The following NEO1 variants were observed in gnomAD, a reference collection of about 807,000 sequenced individuals.
The protein encoded by NEO1 is neogenin 1.
In NEO1, 63 loss-of-function variants were observed where a neutral mutation model predicts 159.7. The observed-to-expected ratio is 0.39, with a 90% confidence interval of 0.32 to 0.49. NEO1 has a LOEUF of 0.49. Among genes scored for constraint, NEO1 ranks in the 20% least tolerant of loss-of-function variants. The pLI is 0.85. For synonymous variants in NEO1, 633 were observed against 662.0 expected (o/e 0.96, Z 0.67); for missense variants, 1,615 against 1,831.0 (o/e 0.88, Z 2.15).
intron 3 of NEO1, among the ~76,000 whole-genome samples, 161 bp downstream of exon 3, chr15:73,122,961 AGCCTG>A (rs934592521): frequency 6.6e-6 from 1 of 152,150 alleles, no homozygotes; most frequent in African/African-American, 2.4e-5. Context: ...CCTGAGTTCC[AGCCTG>A]GCCAACATGG....
At chr15:73,122,063 GTA>G (rs200219694) in intron 2 of NEO1, among the ~76,000 whole-genome samples, 4,210 of 126,008 alleles carry the variant, frequency 0.033, 75 homozygotes, top group East Asian at 0.043. Context: ...GTGTGTGTGT[GTA>G]TATATATATA....
chr15:73,272,591 T>C, intron 19 of NEO1, 29 bp downstream of exon 19: 15 of 1,442,888 alleles, frequency 1.0e-5, no homozygotes, highest in East Asian at 2.3e-5. Context: ...TGCATTTCTT[T>C]GTGCGCTCTT....
chr15:73,098,229 A>G (rs2070193928), intron 1 of NEO1, among the ~76,000 whole-genome samples: 1 of 152,116 alleles, frequency 6.6e-6, no homozygotes, highest in South Asian at 2.1e-4. Context: ...GGGTTCTTAA[A>G]TTCTCTCGAA....
chr15:73,136,381 AGTG>A (rs763447349), intron 5 of NEO1, among the ~76,000 whole-genome samples: 3 of 151,790 alleles, frequency 2.0e-5, no homozygotes, highest in Admixed American at 6.6e-5. Context: ...TACTATTTGT[AGTG>A]GTGGTGGTGG....
chr15:73,053,667 G>C (rs978200859), intron 1 of NEO1, among the ~76,000 whole-genome samples: 1 of 152,154 alleles, frequency 6.6e-6, no homozygotes, highest in Admixed American at 6.5e-5. Context: ...GGGGACCAAC[G>C]AACAAAAATG....
At position 73,297,683 on chromosome 15, in the gene NEO1, T is replaced by C. The variant is rs1403819675; in HGVS notation, c.3902-665T>C. Among the ~76,000 whole-genome samples, 3 of 152,240 alleles carry C rather than the reference T, an allele frequency of 2.0e-5. No individual in the cohort carries two copies. The East Asian group carries it at 5.8e-4, about 29-fold the overall frequency. The stretch of plus-strand genomic sequence containing the variant: ...ATATTTTGAGATTGTTATCATGTTC[T>C]TCCTGAGCCTTCCCTTCTCCAGGCT... On this transcript the variant is annotated intron_variant, in intron 26 of 28. Transcript: ENST00000261908.
At chr15:73,227,055 A>G (rs1026385367) in intron 7 of NEO1, among the ~76,000 whole-genome samples, 1 of 152,228 alleles carries the variant, frequency 6.6e-6, no homozygotes, top group Admixed American at 6.5e-5. Context: ...TATTGGTTAA[A>G]CTAATAATTA....
In NEO1 at chr15:73,238,553, T is replaced by C. The variant is rs138309869; in HGVS notation, c.1451+2047T>C. ...TCTCTGTCTTAAATTATAGATGGATTAAGAGATAAATATTTTTAAAATCTA... is the reference window on the plus strand; with the variant it reads ...TCTCTGTCTTAAATTATAGATGGATCAAGAGATAAATATTTTTAAAATCTA... On this transcript the variant is annotated intron_variant, in intron 8 of 28. Coordinates refer to ENST00000261908, the MANE Select transcript of NEO1 (RefSeq NM_002499.4). 2.4e-3 allele frequency among the ~76,000 whole-genome samples: 369 copies of C among 151,642 alleles called. 4 individuals are homozygous for C. Among genetic ancestry groups the C allele is most frequent in the African/African-American group, 8.5e-3 (352 of 41,428 alleles).
At chr15:73,177,232 T>G (rs2035331250) in intron 6 of NEO1, among the ~76,000 whole-genome samples, 1 of 152,114 alleles carries the variant, frequency 6.6e-6, no homozygotes, top group African/African-American at 2.4e-5. Flanking sequence ...ATCTAACATT[T>G]TAGTAATAGA....
intron 7 of NEO1, among the ~76,000 whole-genome samples, chr15:73,234,569 C>T (rs1472269634): frequency 6.6e-6 from 1 of 152,226 alleles, no homozygotes; most frequent in East Asian, 1.9e-4. Context: ...GGCAGTGCAT[C>T]TGTTGATGTG....
At chr15:73,208,438 C>A (rs1426493260) in intron 7 of NEO1, among the ~76,000 whole-genome samples, 1 of 152,220 alleles carries the variant, frequency 6.6e-6, no homozygotes, top group Non-Finnish European at 1.5e-5. Flanking sequence ...TTCTTTCTCA[C>A]AAGACATCCC....
intron 1 of NEO1, among the ~76,000 whole-genome samples, chr15:73,080,283 G>C (rs1349817859): frequency 6.6e-6 from 1 of 152,184 alleles, no homozygotes; most frequent in Admixed American, 6.5e-5. Context: ...TCTCTAGCCA[G>C]TGCCTTTCTT....
intron 1 of NEO1, among the ~76,000 whole-genome samples, chr15:73,085,317 C>A (rs1158815934): frequency 6.6e-6 from 1 of 152,144 alleles, no homozygotes; most frequent in African/African-American, 2.4e-5. Context: ...TGTTCCTTTT[C>A]ATCACTGAGT....
At chr15:73,177,110 A>G (rs1484466432) in intron 6 of NEO1, among the ~76,000 whole-genome samples, 1 of 152,176 alleles carries the variant, frequency 6.6e-6, no homozygotes, top group Non-Finnish European at 1.5e-5. Flanking sequence ...CTTTTTTAAA[A>G]ATGCATTTAA....
rs146165262 is a variant in NEO1 at position 73,251,126 on chromosome 15, A to C, written c.1894+1405A>C. ...GTAAGATAAATAAAACAGTTGTTGCAGAATATTAGTAATTGTGAATTTGAA... is the reference window on the plus strand; with the variant it reads ...GTAAGATAAATAAAACAGTTGTTGCCGAATATTAGTAATTGTGAATTTGAA... On this transcript the variant is annotated intron_variant, in intron 11 of 28. Coordinates refer to ENST00000261908, the MANE Select transcript of NEO1 (RefSeq NM_002499.4). 8.3e-4 allele frequency among the ~76,000 whole-genome samples: 126 copies of C among 152,340 alleles called. 1 individual carries two copies. Among genetic ancestry groups the C allele is most frequent in the African/African-American group, 2.8e-3 (118 of 41,578 alleles).
chr15:73,274,796 CTTT>C (rs201909530), intron 21 of NEO1, 72 bp downstream of exon 21: 4,679 of 1,059,572 alleles, frequency 4.4e-3, no homozygotes, highest in South Asian at 7.1e-3. Flanking sequence ...GTTTTTGTTT[CTTT>C]TTTTTTTTTT....
At position 73,126,526 on chromosome 15, in the gene NEO1, A is replaced by C; in HGVS notation, c.834A>C (p.Pro278=). 1 of 1,613,852 alleles carries C rather than the reference A, an allele frequency of 6.2e-7. No individual in the cohort carries two copies. Among genetic ancestry groups the C allele is most frequent in the Non-Finnish European group, 8.5e-7 (1 of 1,179,900 alleles). Residue 278 remains proline, a synonymous_variant, in exon 4 of 29, where the codon CCA becomes CCC. Coordinates refer to ENST00000261908, the MANE Select transcript of NEO1 (RefSeq NM_002499.4). ...LPCVASGLPT[P]TIKWMKNEEA... ...GTGTTGCTTCAGGACTTCCTACTCC[A>C]ACCATTAAATGGATGAAAAATGAGG...
At chr15:73,218,712 A>G (rs1431933400) in intron 7 of NEO1, among the ~76,000 whole-genome samples, 2 of 152,216 alleles carry the variant, frequency 1.3e-5, no homozygotes, top group African/African-American at 4.8e-5. Flanking sequence ...GTTTATTTGC[A>G]TAGAGGTGAT....
At chr15:73,170,663 A>G (rs1188302952) in intron 5 of NEO1, among the ~76,000 whole-genome samples, 2 of 152,206 alleles carry the variant, frequency 1.3e-5, no homozygotes, top group East Asian at 1.9e-4. Context: ...ATCCTCAGCA[A>G]TTACCTTTGG....
Sources: gnomAD v4.1 joint callset for allele counts (sites outside exome capture counted in the v4.1 genomes callset) on GRCh38, gnomAD v4.1.1 for gene constraint, MANE v1.5 for transcripts, NCBI Gene and HGNC (gene_info 2026-07-23, HGNC 2026-07-21) for gene names.